ERC1: variants seen among roughly 807,000 people sequenced by gnomAD.
ERC1 encodes the protein RAB6 interacting protein 2.
A neutral mutation model predicts 132.0 loss-of-function variants in ERC1; 56 were observed. The observed-to-expected ratio is 0.42, with a 90% CI of 0.34 to 0.53. ERC1 has a LOEUF of 0.53. Among genes scored for constraint, ERC1 ranks in the 20% least tolerant of loss-of-function variants. The pLI is 0.03. For synonymous variants in ERC1, 478 were observed against 476.1 expected (o/e 1.00, Z -0.05); for missense variants, 1,202 against 1,349.9 (o/e 0.89, Z 1.72).
At chr12:1,011,744 G>T (rs1440091656) in intron 1 of ERC1, among the ~76,000 whole-genome samples, 1 of 152,090 alleles carries the variant, frequency 6.6e-6, no homozygotes, top group Non-Finnish European at 1.5e-5. Context: ...GACCAGCCTG[G>T]CTGGTTAGCC....
intron 2 of ERC1, among the ~76,000 whole-genome samples, chr12:1,081,083 C>T (rs1387374237): frequency 1.3e-5 from 2 of 152,168 alleles, no homozygotes; most frequent in African/African-American, 4.8e-5. Flanking sequence ...GTTTTCTCAT[C>T]ACAGTTTCGT....
chr12:1,363,038 G>C (rs2086281867), intron 15 of ERC1, among the ~76,000 whole-genome samples: 1 of 152,154 alleles, frequency 6.6e-6, no homozygotes, highest in Non-Finnish European at 1.5e-5. Context: ...TGGTGAGTTT[G>C]TCAAGCTACA....
chr12:1,045,168 G>C (rs1970889339), intron 2 of ERC1, among the ~76,000 whole-genome samples: 1 of 151,962 alleles, frequency 6.6e-6, no homozygotes, highest in African/African-American at 2.4e-5. Flanking sequence ...TTGTACTGTG[G>C]TCCTGTACTG....
chr12:1,103,070 C>T (rs774839414), intron 3 of ERC1, among the ~76,000 whole-genome samples: 1 of 152,150 alleles, frequency 6.6e-6, no homozygotes, highest in African/African-American at 2.4e-5. Context: ...CGTCATTTTC[C>T]TCTGCAGACT....
intron 15 of ERC1, among the ~76,000 whole-genome samples, chr12:1,311,461 G>C (rs2081297537): frequency 6.6e-6 from 1 of 152,298 alleles, no homozygotes; most frequent in Non-Finnish European, 1.5e-5. Flanking sequence ...TAGCAAGAGA[G>C]ATATGCCTTT....
intron 15 of ERC1, among the ~76,000 whole-genome samples, chr12:1,317,228 A>T (rs1232767941): frequency 6.6e-6 from 1 of 152,144 alleles, no homozygotes; most frequent in Non-Finnish European, 1.5e-5. Context: ...GCAGCCATAA[A>T]AAAGGATGAG....
chr12:1,016,635 C>CTTTTTTTTTTTTTTT (rs397967271), intron 1 of ERC1, among the ~76,000 whole-genome samples: 1 of 128,054 alleles, frequency 7.8e-6, no homozygotes, highest in Non-Finnish European at 1.7e-5. Context: ...CTTTTCTTTT[C>CTTTTTTTTTTTTTTT]TTTTTTTTTT....
intron 16 of ERC1, among the ~76,000 whole-genome samples, chr12:1,394,046 C>CAAAAAAAAAAAAAAAAAAAAA (rs1555389413): frequency 1.4e-5 from 1 of 70,808 alleles, no homozygotes; most frequent in African/African-American, 5.0e-5. Flanking sequence ...AAAAAAAAAC[C>CAAAAAAAAAAAAAAAAAAAAA]ACAAAGCATT....
intron 14 of ERC1, among the ~76,000 whole-genome samples, chr12:1,268,054 AAC>A (rs2077585749): frequency 6.6e-6 from 1 of 152,222 alleles, no homozygotes; most frequent in African/African-American, 2.4e-5. Context: ...TCATTTATGC[AAC>A]AGTTATCACC....
chr12:1,236,885 A>G lies in ERC1; in HGVS notation c.2468A>G (p.Asp823Gly), dbSNP rs2075451425. ...EARRREDNLN[D>G]SSQQLQDSLR... ...CGACGACGGGAGGACAATCTCAACGACAGCTCTCAGCAGCTACAGGTTAGA... is the reference window on the plus strand; with the variant it reads ...CGACGACGGGAGGACAATCTCAACGGCAGCTCTCAGCAGCTACAGGTTAGA... The change falls in exon 13 of 19, where the codon GAC (aspartate) becomes GGC (glycine). Residue 823 changes from aspartate to glycine, a missense_variant. Transcript: ENST00000360905. 6.2e-7 allele frequency: 1 copy of G among 1,613,954 alleles called. No individual in the cohort carries two copies. Among genetic ancestry groups the G allele is most frequent in the African/African-American group, 1.3e-5 (1 of 74,942 alleles).
intron 7 of ERC1, among the ~76,000 whole-genome samples, chr12:1,136,617 C>A (rs979855663): frequency 6.6e-6 from 1 of 152,186 alleles, no homozygotes; most frequent in African/African-American, 2.4e-5. Flanking sequence ...TCTTCACTGA[C>A]TTCCATTTGC....
chr12:1,149,911 A>G (rs1950689434), intron 8 of ERC1, among the ~76,000 whole-genome samples: 1 of 152,206 alleles, frequency 6.6e-6, no homozygotes, highest in Non-Finnish European at 1.5e-5. Flanking sequence ...TGGATACAAC[A>G]TAGAAAAATT....
chr12:1,201,323 A>G (rs368807850), intron 12 of ERC1, among the ~76,000 whole-genome samples: 14 of 152,294 alleles, frequency 9.2e-5, no homozygotes, highest in South Asian at 4.1e-4. Context: ...TGTGTCTTCT[A>G]TCCTTGGTGA....
chr12:1,401,388 G>A (rs1159196606), intron 16 of ERC1, among the ~76,000 whole-genome samples: 1 of 152,164 alleles, frequency 6.6e-6, no homozygotes, highest in African/African-American at 2.4e-5. Flanking sequence ...AAGGAAGCAG[G>A]TAGAGCAGTA....
At chr12:1,132,353 T>C (rs974297774) in intron 7 of ERC1, among the ~76,000 whole-genome samples, 2 of 152,222 alleles carry the variant, frequency 1.3e-5, no homozygotes, top group Non-Finnish European at 1.5e-5. Context: ...GAAATATTTT[T>C]TGTATCAAAG....
chr12:1,045,963 C>A (rs1301294007), intron 2 of ERC1, among the ~76,000 whole-genome samples: 2 of 152,050 alleles, frequency 1.3e-5, no homozygotes, highest in African/African-American at 4.8e-5. Flanking sequence ...AATCAGTCAA[C>A]ATCAGCAGGT....
chr12:1,059,144 T>C (rs896564428), intron 2 of ERC1, among the ~76,000 whole-genome samples: 5 of 152,226 alleles, frequency 3.3e-5, no homozygotes, highest in Non-Finnish European at 7.3e-5. Context: ...TGGTTTGTTA[T>C]TGGTGTATGG....
chr12:1,031,828 T>C (rs972509835), intron 2 of ERC1, among the ~76,000 whole-genome samples: 2 of 151,852 alleles, frequency 1.3e-5, no homozygotes, highest in Admixed American at 6.6e-5. Flanking sequence ...ACTGATGGGG[T>C]CTAAAATTAA....
intron 8 of ERC1, among the ~76,000 whole-genome samples, chr12:1,172,938 A>G (rs1040370094): frequency 1.3e-5 from 2 of 152,178 alleles, no homozygotes; most frequent in Non-Finnish European, 2.9e-5. Flanking sequence ...AACGTCAAGC[A>G]TCTTTGGCTC....
Sources: allele counts gnomAD v4.1 joint callset (sites outside exome capture counted in the v4.1 genomes callset), GRCh38; gene constraint gnomAD v4.1.1; transcripts MANE v1.5; gene names NCBI Gene and HGNC (gene_info 2026-07-23, HGNC 2026-07-21).